The following LRRC7 variants were observed in gnomAD, a reference collection of about 807,000 sequenced individuals.
The protein encoded by LRRC7 is leucine-rich repeat-containing protein 7.
In LRRC7, 23 loss-of-function variants were observed where a neutral mutation model predicts 175.7. That is an observed-to-expected ratio of 0.13 (90% CI 0.09 to 0.19). LRRC7 has a LOEUF of 0.19. LRRC7 is among the 10% of genes least tolerant of loss of function. The pLI is 1.00. For synonymous variants in LRRC7, 685 were observed against 680.9 expected, an observed-to-expected ratio of 1.01 and a Z score of -0.09; for missense variants, 1,354 against 1,904.7, an observed-to-expected ratio of 0.71 and a Z score of 5.38.
chr1:69,928,580 C>G (rs2421313), intron 7 of LRRC7, among the ~76,000 whole-genome samples: 2 of 152,288 alleles, frequency 1.3e-5, no homozygotes, highest in Non-Finnish European at 2.9e-5. Flanking sequence ...TAGCAATCAG[C>G]GAGACTCCGT....
chr1:69,841,344 G>A (rs11583726), intron 7 of LRRC7, among the ~76,000 whole-genome samples: 86,552 of 151,726 alleles, frequency 0.57, 24,822 homozygotes, highest in East Asian at 0.7. Flanking sequence ...CAGAAGTGAT[G>A]TACTATGATG....
At chr1:69,908,144 TTC>T (rs1204274302) in intron 7 of LRRC7, among the ~76,000 whole-genome samples, 4 of 152,218 alleles carry the variant, frequency 2.6e-5, no homozygotes, top group Non-Finnish European at 2.9e-5. Context: ...TATTTCATTC[TTC>T]TCTCTTTTTT....
intron 23 of LRRC7, among the ~76,000 whole-genome samples, chr1:70,071,984 T>G (rs1402117347): frequency 1.3e-5 from 2 of 152,216 alleles, no homozygotes; most frequent in African/African-American, 2.4e-5. Context: ...GAATTTTGCG[T>G]GAACAGTGCC....
In LRRC7 at chr1:69,840,508, C is replaced by G. The variant is rs753127994; in HGVS notation, c.647+2225C>G. On this transcript the variant is annotated intron_variant, in intron 7 of 26. Coordinates refer to ENST00000651989, the MANE Select transcript of LRRC7 (RefSeq NM_001370785.2). ...GTTAGTTATTTTCTCTTCTTTTCATCTTTTAAGTTTATATGCTTAGCAATC... is the reference window on the plus strand; with the variant it reads ...GTTAGTTATTTTCTCTTCTTTTCATGTTTTAAGTTTATATGCTTAGCAATC... 1.4e-3 allele frequency among the ~76,000 whole-genome samples: 206 copies of G among 152,072 alleles called. 1 individual carries two copies. The highest frequency in any genetic ancestry group is 3.7e-4 in the Non-Finnish European group (25 of 67,954).
chr1:70,059,812 G>A (rs1255801383), intron 23 of LRRC7, among the ~76,000 whole-genome samples: 1 of 151,702 alleles, frequency 6.6e-6, no homozygotes, highest in Admixed American at 6.6e-5. Flanking sequence ...AAAATAACTG[G>A]ATCAAATTCC....
chr1:69,781,740 AGAGAGAG>A (rs1673617598), intron 3 of LRRC7, among the ~76,000 whole-genome samples: 1 of 44,778 alleles, frequency 2.2e-5, no homozygotes, highest in African/African-American at 1.3e-4. Context: ...AGAAAGAGAG[AGAGAGAG>A]AGAGAGAGAG....
At chr1:70,119,087 A>G (rs1387984366) in intron 26 of LRRC7, among the ~76,000 whole-genome samples, 1 of 151,910 alleles carries the variant, frequency 6.6e-6, no homozygotes, top group Non-Finnish European at 1.5e-5. Flanking sequence ...CCACACATGA[A>G]CCATTTTTGA....
At chr1:69,780,229 C>G (rs1673331202) in intron 3 of LRRC7, among the ~76,000 whole-genome samples, 1 of 152,128 alleles carries the variant, frequency 6.6e-6, no homozygotes, top group South Asian at 2.1e-4. Context: ...GCACACAATT[C>G]CACGTATTTA....
intron 1 of LRRC7, among the ~76,000 whole-genome samples, chr1:69,653,159 C>T (rs1382930140): frequency 1.3e-5 from 2 of 151,976 alleles, no homozygotes; most frequent in Non-Finnish European, 2.9e-5. Context: ...AAGGCAACTA[C>T]AGAATGGGAG....
At chr1:69,752,314 T>C (rs1391724753) in intron 2 of LRRC7, among the ~76,000 whole-genome samples, 1 of 152,106 alleles carries the variant, frequency 6.6e-6, no homozygotes, top group East Asian at 1.9e-4. Flanking sequence ...ATTTGAAAAA[T>C]GCAAGACTGT....
intron 25 of LRRC7, among the ~76,000 whole-genome samples, chr1:70,105,970 G>T (rs1665117167): frequency 6.6e-6 from 1 of 152,060 alleles, no homozygotes; most frequent in Non-Finnish European, 1.5e-5. Flanking sequence ...AAGTATTTTA[G>T]TTTGGGTCTG....
At chr1:70,083,423 C>T (rs1391124406) in intron 24 of LRRC7, among the ~76,000 whole-genome samples, 1 of 152,080 alleles carries the variant, frequency 6.6e-6, no homozygotes, top group Non-Finnish European at 1.5e-5. Flanking sequence ...CCCATAAAAC[C>T]AGGAGCTAAA....
chr1:69,897,696 A>G (rs925408918), intron 7 of LRRC7, among the ~76,000 whole-genome samples: 1 of 152,206 alleles, frequency 6.6e-6, no homozygotes, highest in Non-Finnish European at 1.5e-5. Flanking sequence ...AAAATGTTCT[A>G]GCAGAATCAT....
intron 4 of LRRC7, among the ~76,000 whole-genome samples, chr1:69,804,013 C>A (rs1225909358): frequency 6.6e-6 from 1 of 151,252 alleles, no homozygotes; most frequent in Non-Finnish European, 1.5e-5. Flanking sequence ...TTTTCCAACT[C>A]ATTAATTTCT....
At chr1:69,721,238 A>T in intron 2 of LRRC7, among the ~76,000 whole-genome samples, 1 of 151,882 alleles carries the variant, frequency 6.6e-6, no homozygotes, top group East Asian at 1.9e-4. Context: ...TATTACTCAA[A>T]GTCTGTAGTT....
intron 2 of LRRC7, among the ~76,000 whole-genome samples, chr1:69,684,262 A>G (rs1250993762): frequency 6.6e-6 from 1 of 152,182 alleles, no homozygotes; most frequent in Non-Finnish European, 1.5e-5. Flanking sequence ...TAGGTGTTCA[A>G]CAGATATTTT....
At chr1:69,877,526 T>A (rs1027029304) in intron 7 of LRRC7, among the ~76,000 whole-genome samples, 3 of 152,204 alleles carry the variant, frequency 2.0e-5, no homozygotes, top group African/African-American at 7.2e-5. Context: ...TACCATAGAA[T>A]GAACTCATTT....
At chr1:69,619,210 G>A (rs1340418444) in intron 1 of LRRC7, among the ~76,000 whole-genome samples, 1 of 152,112 alleles carries the variant, frequency 6.6e-6, no homozygotes, top group South Asian at 2.1e-4. Flanking sequence ...GAAATGGAGT[G>A]CTCTGCAAGA....
intron 1 of LRRC7, among the ~76,000 whole-genome samples, chr1:69,612,912 G>A (rs1649009123): frequency 6.6e-6 from 1 of 151,970 alleles, no homozygotes; most frequent in South Asian, 2.1e-4. Flanking sequence ...TAAAGCCAAG[G>A]CTCATCCTTC....
Sources: gnomAD v4.1 joint callset for allele counts (sites outside exome capture counted in the v4.1 genomes callset) on GRCh38, gnomAD v4.1.1 for gene constraint, MANE v1.5 for transcripts, NCBI Gene and HGNC (gene_info 2026-07-23, HGNC 2026-07-21) for gene names.